ZFHX3: variants seen among roughly 807,000 people sequenced by gnomAD.
The protein encoded by ZFHX3 is zinc finger homeobox 3.
A neutral mutation model predicts 279.1 loss-of-function variants in ZFHX3; 42 were observed. That is an observed-to-expected ratio of 0.15 (90% CI 0.12 to 0.19). ZFHX3 has a LOEUF of 0.19. Ranked by LOEUF, ZFHX3 falls within the 10% of genes least tolerant of loss-of-function variation. The pLI, the probability that ZFHX3 is intolerant of heterozygous loss-of-function variation, is 1.00. For synonymous variants in ZFHX3, 2,293 were observed against 1,957.8 expected (o/e 1.17, Z -4.52); for missense variants, 4,981 against 4,754.0 (o/e 1.05, Z -1.40).
intron 1 of ZFHX3, among the ~76,000 whole-genome samples, chr16:73,882,343 G>C (rs1023935303): frequency 1.3e-5 from 2 of 151,996 alleles, no homozygotes; most frequent in South Asian, 4.1e-4. Flanking sequence ...CATTTTTGCT[G>C]TCAAAAAAGC....
At chr16:73,809,970 C>G (rs1439918789) in intron 1 of ZFHX3, among the ~76,000 whole-genome samples, 1 of 152,144 alleles carries the variant, frequency 6.6e-6, no homozygotes, top group Non-Finnish European at 1.5e-5. Context: ...CATTTTCTTG[C>G]ACTCCACACA....
chr16:73,484,073 G>T (rs915337192), intron 2 of ZFHX3, among the ~76,000 whole-genome samples: 1 of 152,000 alleles, frequency 6.6e-6, no homozygotes, highest in Non-Finnish European at 1.5e-5. Context: ...GGTCCGGGGG[G>T]AAGAGCTGCT....
intron 6 of ZFHX3, among the ~76,000 whole-genome samples, chr16:73,133,964 T>C (rs117725384): frequency 0.011 from 1,728 of 152,324 alleles, 36 homozygotes; most frequent in Non-Finnish European, 0.015. Flanking sequence ...ATAATTGCTG[T>C]AGTGATAGCC....
intron 3 of ZFHX3, among the ~76,000 whole-genome samples, chr16:72,929,776 C>T (rs565316513): frequency 6.6e-6 from 1 of 152,320 alleles, no homozygotes; most frequent in South Asian, 2.1e-4. Flanking sequence ...GAAAATGAGA[C>T]TGTTAAACCA....
At chr16:73,384,553 T>A (rs115245208) in intron 3 of ZFHX3, among the ~76,000 whole-genome samples, 2,238 of 152,330 alleles carry the variant, frequency 0.015, 57 homozygotes, top group African/African-American at 0.051. Flanking sequence ...GTACCAATCC[T>A]GTACACAGCA....
intron 3 of ZFHX3, among the ~76,000 whole-genome samples, chr16:73,339,921 T>C (rs530030707): frequency 6.6e-6 from 1 of 152,300 alleles, no homozygotes; most frequent in South Asian, 2.1e-4. Flanking sequence ...TCAGCAGTGC[T>C]CGACAAACCC....
At position 73,158,265 on chromosome 16, in the gene ZFHX3, C is replaced by A. The variant is rs554935470; in HGVS notation, c.-1103-14434G>T. Among the ~76,000 whole-genome samples, 9 of 152,154 alleles carry A rather than the reference C, an allele frequency of 5.9e-5. 1 individual carries two copies. The highest frequency in any genetic ancestry group is 1.9e-4 in the African/African-American group (8 of 41,520). Reference sequence around the variant, plus strand: ...GCTACAGTGTTGAAATCTAACCCAGCCAGGAGTTCAGGAGATAGGAGGCTT... The same window carrying A: ...GCTACAGTGTTGAAATCTAACCCAGACAGGAGTTCAGGAGATAGGAGGCTT... On this transcript the variant is annotated intron_variant, in intron 5 of 17. Coordinates refer to the ZFHX3 transcript ENST00000641206.
chr16:73,068,586 A>T (rs967934066), intron 8 of ZFHX3, among the ~76,000 whole-genome samples: 2 of 152,220 alleles, frequency 1.3e-5, no homozygotes, highest in African/African-American at 4.8e-5. Flanking sequence ...TGGCCATACT[A>T]GGGAAGTTCA....
chr16:73,842,573 G>A (rs892637511), intron 1 of ZFHX3, among the ~76,000 whole-genome samples: 13 of 152,164 alleles, frequency 8.5e-5, no homozygotes, highest in African/African-American at 2.9e-4. Context: ...CTCTTGGGAT[G>A]CAGTCAGATG....
At chr16:72,994,776 G>A (rs765516224) in intron 1 of ZFHX3, among the ~76,000 whole-genome samples, 3 of 152,182 alleles carry the variant, frequency 2.0e-5, no homozygotes, top group East Asian at 1.9e-4. Flanking sequence ...TCCTCCTGAC[G>A]GAACAATTAA....
intron 3 of ZFHX3, among the ~76,000 whole-genome samples, chr16:72,940,945 G>C (rs184080055): frequency 6.6e-6 from 1 of 152,264 alleles, no homozygotes; most frequent in Non-Finnish European, 1.5e-5. Flanking sequence ...CCCTATTAGC[G>C]ACCTATACAC....
At chr16:73,027,308 A>T (rs1964546525) in intron 1 of ZFHX3, among the ~76,000 whole-genome samples, 1 of 152,134 alleles carries the variant, frequency 6.6e-6, no homozygotes, top group African/African-American at 2.4e-5. Flanking sequence ...AAAAAAGACA[A>T]ACCGTGATCA....
intron 2 of ZFHX3, chr16:73,486,638 A>C (rs2143638329): frequency 2.9e-6 from 1 of 343,644 alleles, no homozygotes; most frequent in East Asian, 7.4e-5. Context: ...CAAACACCAA[A>C]ATTAACTGGA....
In ZFHX3 at chr16:73,580,783, T is replaced by C. The variant is rs533010072; in HGVS notation, c.-1547+99397A>G. Reference sequence around the variant, plus strand: ...ACTGGGCTTAATGTATTTCCACTCCTTATTCTTTCTGATGCTCACAGTGTC... The same window carrying C: ...ACTGGGCTTAATGTATTTCCACTCCCTATTCTTTCTGATGCTCACAGTGTC... On this transcript the variant is annotated intron_variant, in intron 2 of 17. Coordinates refer to the ZFHX3 transcript ENST00000641206. Among the ~76,000 whole-genome samples the C allele has an allele frequency of 5.3e-5, 8 of 151,932 alleles. No homozygotes were observed. In the South Asian group the frequency reaches 1.0e-3, roughly 20 times the overall value.
Position 73,361,181 on chromosome 16 carries a change from C to T in ZFHX3, c.-1290-42845G>A, listed in dbSNP as rs1403290139. ...CTCCGGTAGGCTGGCACGTTGGTGGCCTCCAGTGAATCACACTTCTTGGGA... is the reference window on the plus strand; with the variant it reads ...CTCCGGTAGGCTGGCACGTTGGTGGTCTCCAGTGAATCACACTTCTTGGGA... On this transcript the variant is annotated intron_variant, in intron 3 of 17. Coordinates refer to the ZFHX3 transcript ENST00000641206. Among the ~76,000 whole-genome samples the T allele has an allele frequency of 2.0e-5, 3 of 152,346 alleles. No homozygotes were observed. The East Asian group carries it at 5.8e-4, about 29-fold the overall frequency.
At position 72,865,502 on chromosome 16, in the gene ZFHX3, C is replaced by G. The variant is rs147097780; in HGVS notation, c.3448+24229G>C. 4.8e-3 allele frequency among the ~76,000 whole-genome samples: 738 copies of G among 152,280 alleles called. 2 individuals carry two copies. The highest frequency in any genetic ancestry group is 0.023 in the South Asian group (112 of 4,828). ...TGCTTGGCTCGCTCTCTGGTGAGCT[C>G]CCAGAATGAACTTGGATCTTGTCCC... On this transcript the variant is annotated intron_variant, in intron 4 of 9. Coordinates refer to ENST00000268489, the MANE Select transcript of ZFHX3 (RefSeq NM_006885.4).
intron 2 of ZFHX3, among the ~76,000 whole-genome samples, chr16:73,494,392 C>T (rs758057237): frequency 1.3e-5 from 2 of 152,166 alleles, no homozygotes; most frequent in Non-Finnish European, 1.5e-5. Context: ...TGCATAAACA[C>T]TCAGGCGAGG....
At chr16:72,821,593 C>T (rs188432739) in intron 5 of ZFHX3, among the ~76,000 whole-genome samples, 5 of 152,270 alleles carry the variant, frequency 3.3e-5, no homozygotes, top group African/African-American at 4.8e-5. Flanking sequence ...TCTCTTTACC[C>T]GAAGGCATCA....
In ZFHX3 at chr16:73,682,940, AAG is replaced by A. The variant is rs1567550675; in HGVS notation, c.-1607-2702_-1607-2701del. On this transcript the variant is annotated intron_variant, in intron 1 of 17. Transcript: ENST00000641206. The stretch of plus-strand genomic sequence containing the variant: ...AGAGAGAAAGAGAAAGAAAGAAAGA[AAG>A]AAAGAAAGAAAGAAAGAAAGAAAGA... Among the ~76,000 whole-genome samples, 3 of 17,510 alleles carry A rather than the reference AAG, an allele frequency of 1.7e-4. No individual in the cohort carries two copies. In the East Asian group the frequency reaches 0.018, roughly 105 times the overall value. 11.5% of individuals were successfully genotyped at this position (17,510 alleles called of 152,430 possible). A position where few individuals can be genotyped will look rare whatever the true frequency, so the allele number is the denominator to read the frequency against.
Sources: allele counts gnomAD v4.1 joint callset (sites outside exome capture counted in the v4.1 genomes callset), GRCh38; gene constraint gnomAD v4.1.1; transcripts MANE v1.5; gene names NCBI Gene and HGNC (gene_info 2026-07-23, HGNC 2026-07-21).